ABI2: variants seen among roughly 807,000 people sequenced by gnomAD.
ABI2 encodes the protein abelson interactor 2.
Under a neutral mutation model 59.2 loss-of-function variants are expected in ABI2, and 25 were observed. The observed-to-expected ratio is 0.42, with a 90% CI of 0.31 to 0.59. The LOEUF is 0.59. Among genes scored for constraint, ABI2 ranks in the 20% least tolerant of loss-of-function variants. The pLI, the probability that ABI2 is intolerant of heterozygous loss-of-function variation, is 0.14. For synonymous variants in ABI2, 213 were observed against 235.5 expected (o/e 0.90, Z 0.87); for missense variants, 545 against 681.8 (o/e 0.80, Z 2.23).
intron 8 of ABI2, among the ~76,000 whole-genome samples, chr2:203,398,836 C>T (rs1265714364): frequency 2.0e-5 from 3 of 151,884 alleles, no homozygotes; most frequent in African/African-American, 7.3e-5. Context: ...TTTTTTTGGC[C>T]AGATGCATTT....
intron 1 of ABI2, among the ~76,000 whole-genome samples, chr2:203,352,780 C>T (rs141384174): frequency 1.0e-3 from 152 of 152,280 alleles, no homozygotes; most frequent in Non-Finnish European, 1.5e-3. Context: ...CAGTAATGTC[C>T]TAGGCCCTCC....
chr2:203,422,907 G>T (rs916707333), intron 11 of ABI2, among the ~76,000 whole-genome samples: 11 of 152,262 alleles, frequency 7.2e-5, no homozygotes, highest in East Asian at 1.9e-4. Context: ...AAATTCCAAA[G>T]TATGTTAAAT....
chr2:203,406,286 G>A (rs762334019), intron 9 of ABI2, among the ~76,000 whole-genome samples: 2 of 152,196 alleles, frequency 1.3e-5, no homozygotes, highest in East Asian at 1.9e-4. Flanking sequence ...TAGCATGTAA[G>A]TATTGAAGAC....
intron 8 of ABI2, among the ~76,000 whole-genome samples, chr2:203,401,660 A>G (rs1431440467): frequency 6.6e-6 from 1 of 152,158 alleles, no homozygotes; most frequent in Admixed American, 6.5e-5. Context: ...TTATATCTTA[A>G]TTTTTTTCAT....
At chr2:203,391,618 T>A (rs1193525916) in intron 5 of ABI2, among the ~76,000 whole-genome samples, 1 of 152,014 alleles carries the variant, frequency 6.6e-6, no homozygotes, top group African/African-American at 2.4e-5. Flanking sequence ...CCCAGGAGTT[T>A]AAGACCAGCC....
intron 2 of ABI2, among the ~76,000 whole-genome samples, chr2:203,378,549 A>G (rs1451258312): frequency 1.3e-5 from 2 of 152,210 alleles, no homozygotes; most frequent in Non-Finnish European, 2.9e-5. Context: ...GTTGTAGAGA[A>G]ATAAGAGGCT....
At chr2:203,338,554 C>CA (rs2077500611) in intron 1 of ABI2, among the ~76,000 whole-genome samples, 1 of 152,078 alleles carries the variant, frequency 6.6e-6, no homozygotes, top group African/African-American at 2.4e-5. Flanking sequence ...GATTACACCT[C>CA]ACCAGAAGTA....
At chr2:203,419,743 C>G (rs2098114429) in intron 11 of ABI2, among the ~76,000 whole-genome samples, 1 of 151,986 alleles carries the variant, frequency 6.6e-6, no homozygotes, top group Non-Finnish European at 1.5e-5. Context: ...AATCCCAGCA[C>G]TTTGGGAGGC....
chr2:203,350,918 T>C lies in ABI2; in HGVS notation c.118-15959T>C, dbSNP rs1366660914. Among the ~76,000 whole-genome samples the C allele has an allele frequency of 5.9e-5, 9 of 152,090 alleles. No individual in the cohort carries two copies. The South Asian group carries it at 1.2e-3, about 21-fold the overall frequency. On this transcript the variant is annotated intron_variant, in intron 1 of 11. Transcript: ENST00000261018. ...CGCGCGCGCATACTTTTAGGTGTTA[T>C]ATATAAGAAACTATTGCCTAATCCA...
intron 9 of ABI2, among the ~76,000 whole-genome samples, chr2:203,407,491 CTT>C (rs1414285305): frequency 1.3e-5 from 2 of 152,162 alleles, no homozygotes; most frequent in East Asian, 3.8e-4. Flanking sequence ...TTTTTCCAAA[CTT>C]TTTGAATTGG....
In ABI2 at chr2:203,429,096, AGTT is replaced by A. The variant is rs2098462942; in HGVS notation, c.*1748_*1750del. Reference sequence around the variant, plus strand: ...CCTTATCAAGACTTTTTGGTTTTAAAGTTGTTTTTAATGCATTGCAAGTTACAA... The same window carrying A: ...CCTTATCAAGACTTTTTGGTTTTAAAGTTTTTAATGCATTGCAAGTTACAA... On this transcript the variant is annotated 3_prime_UTR_variant, in exon 12 of 12. Coordinates refer to ENST00000261018, the MANE Select transcript of ABI2 (RefSeq NM_001375670.1). The A allele has an allele frequency of 1.3e-5, 2 of 152,208 alleles. No homozygotes were observed. Among genetic ancestry groups the A allele is most frequent in the Non-Finnish European group, 2.9e-5 (2 of 68,012 alleles). 9.4% of individuals were successfully genotyped at this position (152,208 alleles called of 1,614,324 possible).
chr2:203,339,279 A>T (rs1210824429), intron 1 of ABI2, among the ~76,000 whole-genome samples: 1 of 151,682 alleles, frequency 6.6e-6, no homozygotes, highest in Non-Finnish European at 1.5e-5. Flanking sequence ...TGGAACAGCC[A>T]TTATGAAAAA....
intron 1 of ABI2, among the ~76,000 whole-genome samples, chr2:203,348,619 T>A (rs2085314512): frequency 6.6e-6 from 1 of 152,234 alleles, no homozygotes; most frequent in African/African-American, 2.4e-5. Context: ...TCACCTCACC[T>A]GGGTGAAATG....
intron 1 of ABI2, among the ~76,000 whole-genome samples, chr2:203,345,120 G>T (rs1012957167): frequency 6.6e-6 from 1 of 152,162 alleles, no homozygotes; most frequent in Non-Finnish European, 1.5e-5. Flanking sequence ...TCTTGCTGCT[G>T]CTCACTCTTT....
At chr2:203,329,674 T>C (rs911629747) in intron 1 of ABI2, among the ~76,000 whole-genome samples, 1 of 151,968 alleles carries the variant, frequency 6.6e-6, no homozygotes, top group East Asian at 1.9e-4. Flanking sequence ...TTAAACTGTT[T>C]CTTCACAGTC....
intron 1 of ABI2, among the ~76,000 whole-genome samples, chr2:203,362,365 A>G (rs1260345382): frequency 6.6e-6 from 1 of 152,182 alleles, no homozygotes; most frequent in Non-Finnish European, 1.5e-5. Context: ...AACTTCTAAT[A>G]TAGCAGTATA....
intron 8 of ABI2, among the ~76,000 whole-genome samples, chr2:203,397,308 CAA>C (rs956019841): frequency 6.6e-6 from 1 of 151,942 alleles, no homozygotes; most frequent in Non-Finnish European, 1.5e-5. Context: ...AAGTGATTAA[CAA>C]AAGTCTATTA....
chr2:203,391,756 G>T (rs1397304828), intron 5 of ABI2, among the ~76,000 whole-genome samples: 1 of 151,626 alleles, frequency 6.6e-6, no homozygotes, highest in Non-Finnish European at 1.5e-5. Context: ...AGGAGGTTGA[G>T]GCTGCAGTGA....
At chr2:203,344,963 C>G (rs1164053481) in intron 1 of ABI2, among the ~76,000 whole-genome samples, 1 of 152,148 alleles carries the variant, frequency 6.6e-6, no homozygotes, top group Non-Finnish European at 1.5e-5. Flanking sequence ...ATGGACCAAC[C>G]AGTGCTCTGT....
Sources: allele counts gnomAD v4.1 joint callset (sites outside exome capture counted in the v4.1 genomes callset), GRCh38; gene constraint gnomAD v4.1.1; transcripts MANE v1.5; gene names NCBI Gene and HGNC (gene_info 2026-07-23, HGNC 2026-07-21).